NXPE2: variants seen among roughly 807,000 people sequenced by gnomAD.
NXPE2 encodes neurexophilin and PC-esterase domain family member 2.
A neutral mutation model predicts 34.4 loss-of-function variants in NXPE2; 34 were observed. The observed-to-expected ratio is 0.99, with a 90% CI of 0.75 to 1.31. NXPE2 has a LOEUF of 1.31. Ranked by LOEUF, NXPE2 falls within the 40% of genes most tolerant of loss-of-function variation. NXPE2 has a pLI of 0.00. For missense variants in NXPE2, 649 were observed against 672.5 expected, an observed-to-expected ratio of 0.97 and a Z score of 0.39; for synonymous variants, 235 against 231.3, an observed-to-expected ratio of 1.02 and a Z score of -0.15.
chr11:114,650,627 G>A, the NXPE2 span, among the ~76,000 whole-genome samples: 1 of 152,160 alleles, frequency 6.6e-6, no homozygotes, highest in African/African-American at 2.4e-5. Flanking sequence ...TCTATCCCTA[G>A]GGAAGGGGCA....
At position 114,706,449 on chromosome 11, in the gene NXPE2, T is replaced by C. The variant is rs1470594071; in HGVS notation, c.1199T>C (p.Leu400Pro). Reference protein sequence around the residue: ...GAGIFKTHVLLDVERHILIQW... With the variant: ...GAGIFKTHVLPDVERHILIQW... The stretch of plus-strand genomic sequence containing the variant: ...GGGATCTTTAAAACACATGTTCTTC[T>C]GGATGTTGAAAGACATATTTTGATT... Residue 400 changes from leucine (L) to proline (P), a missense_variant, in exon 6 of 6, where the codon CTG becomes CCG. By Grantham distance (98) the Leu-to-Pro change is moderately conservative. Transcript: ENST00000389586. 1 of 1,551,630 alleles carries C rather than the reference T, an allele frequency of 6.4e-7. No homozygotes were observed. Among genetic ancestry groups the C allele is most frequent in the Non-Finnish European group, 8.7e-7 (1 of 1,146,868 alleles).
the NXPE2 span, among the ~76,000 whole-genome samples, chr11:114,476,841 T>C: frequency 6.6e-6 from 1 of 152,044 alleles, no homozygotes; most frequent in Non-Finnish European, 1.5e-5. Flanking sequence ...ATATCAATAG[T>C]GTGTGTGGAG....
the NXPE2 span, among the ~76,000 whole-genome samples, chr11:114,524,836 T>C: frequency 6.6e-6 from 1 of 152,216 alleles, no homozygotes; most frequent in African/African-American, 2.4e-5. Flanking sequence ...TTAATAGTTT[T>C]AGAATAAGCT....
the NXPE2 span, among the ~76,000 whole-genome samples, chr11:114,464,902 G>A: frequency 2.6e-5 from 4 of 151,714 alleles, no homozygotes; most frequent in South Asian, 8.3e-4. Context: ...ATGAGAACAA[G>A]TACTTCATAA....
chr11:114,784,693 T>G, the NXPE2 span, among the ~76,000 whole-genome samples: 27 of 152,128 alleles, frequency 1.8e-4, no homozygotes, highest in Non-Finnish European at 7.4e-5. Context: ...AAGCTCTCTC[T>G]TCGAGAGCAT....
the NXPE2 span, among the ~76,000 whole-genome samples, chr11:114,568,827 A>T: frequency 6.6e-6 from 1 of 152,170 alleles, no homozygotes; most frequent in Non-Finnish European, 1.5e-5. Flanking sequence ...ATATGACTTT[A>T]TCATGAACTG....
the NXPE2 span, among the ~76,000 whole-genome samples, chr11:114,620,611 G>A: frequency 9.2e-5 from 14 of 151,742 alleles, no homozygotes; most frequent in South Asian, 4.2e-4. Flanking sequence ...ACTGTTACGC[G>A]GTGGATAATA....
chr11:114,730,669 A>C, the NXPE2 span, among the ~76,000 whole-genome samples: 3 of 152,124 alleles, frequency 2.0e-5, no homozygotes, highest in East Asian at 5.8e-4. Context: ...CTATAAATAG[A>C]ATTGCATTCT....
the NXPE2 span, among the ~76,000 whole-genome samples, chr11:114,594,346 A>G: frequency 6.6e-6 from 1 of 152,308 alleles, no homozygotes; most frequent in East Asian, 1.9e-4. Context: ...TTAAAAACAA[A>G]CAAATGAAAA....
At chr11:114,567,351 C>G in the NXPE2 span, among the ~76,000 whole-genome samples, 1 of 152,082 alleles carries the variant, frequency 6.6e-6, no homozygotes, top group East Asian at 1.9e-4. Flanking sequence ...TTGCCTGAAC[C>G]CTGCCTGGAC....
chr11:114,663,436 TG>T, the NXPE2 span, among the ~76,000 whole-genome samples: 1 of 151,974 alleles, frequency 6.6e-6, no homozygotes, highest in Non-Finnish European at 1.5e-5. Context: ...TAAAATAAAA[TG>T]GGGGTTGTCT....
chr11:114,731,018 G>A, the NXPE2 span, among the ~76,000 whole-genome samples: 5 of 150,166 alleles, frequency 3.3e-5, no homozygotes, highest in Non-Finnish European at 5.9e-5. Context: ...TTAGTATGTT[G>A]TTGGCTGTGG....
the NXPE2 span, among the ~76,000 whole-genome samples, chr11:114,611,312 G>GTTA: frequency 6.6e-6 from 1 of 150,886 alleles, no homozygotes; most frequent in Non-Finnish European, 1.5e-5. Flanking sequence ...GGTAATCACT[G>GTTA]TTACCCAGTG....
the NXPE2 span, among the ~76,000 whole-genome samples, chr11:114,809,871 C>A: frequency 8.1e-6 from 1 of 123,012 alleles, no homozygotes; most frequent in Non-Finnish European, 1.7e-5. Context: ...AAAAAAGAGC[C>A]CACATCGCCA....
the NXPE2 span, among the ~76,000 whole-genome samples, chr11:114,755,697 C>CATCT: frequency 6.6e-6 from 1 of 150,898 alleles, no homozygotes; most frequent in South Asian, 2.1e-4. Flanking sequence ...TCTATCTATC[C>CATCT]ATCTATCTAT....
the NXPE2 span, among the ~76,000 whole-genome samples, chr11:114,536,563 G>A: frequency 1.3e-5 from 2 of 151,702 alleles, no homozygotes; most frequent in Non-Finnish European, 2.9e-5. Context: ...AAAGAGAGAA[G>A]AATCAAATAG....
At chr11:114,765,961 A>G in the NXPE2 span, among the ~76,000 whole-genome samples, 1 of 152,146 alleles carries the variant, frequency 6.6e-6, no homozygotes, top group African/African-American at 2.4e-5. Context: ...TTCCTGTTTG[A>G]GTGACTGGCC....
chr11:114,783,533 T>C, the NXPE2 span, among the ~76,000 whole-genome samples: 1 of 152,198 alleles, frequency 6.6e-6, no homozygotes, highest in African/African-American at 2.4e-5. Context: ...GACTCAAATT[T>C]TTTTCCTCCT....
At chr11:114,589,603 C>G in the NXPE2 span, among the ~76,000 whole-genome samples, 2 of 152,148 alleles carry the variant, frequency 1.3e-5, no homozygotes, top group African/African-American at 4.8e-5. Context: ...CCAGGAAAAA[C>G]TCTTTTTCTC....
Sources: gnomAD v4.1 joint callset for allele counts (sites outside exome capture counted in the v4.1 genomes callset) on GRCh38, gnomAD v4.1.1 for gene constraint, MANE v1.5 for transcripts, NCBI Gene and HGNC (gene_info 2026-07-23, HGNC 2026-07-21) for gene names.